Variants in ARSF observed in about 807,000 individuals in gnomAD.
ARSF encodes arylsulfatase F.
A neutral mutation model predicts 35.4 loss-of-function variants in ARSF; 33 were observed. That is an observed-to-expected ratio of 0.93 (90% CI 0.71 to 1.25). The LOEUF is 1.25. Ranked by LOEUF, ARSF falls within the 50% of genes most tolerant of loss-of-function variation. The pLI is 0.00. For synonymous variants in ARSF, 222 were observed against 193.1 expected (o/e 1.15, Z -1.24); for missense variants, 501 against 480.2 (o/e 1.04, Z -0.40).
intron 1 of ARSF, among the ~76,000 whole-genome samples, chrX:3,044,863 G>C (rs2089968646): frequency 9.1e-6 from 1 of 110,105 alleles, no homozygotes; most frequent in Non-Finnish European, 1.9e-5. Context: ...GAGAAACGAG[G>C]TCAGCTGCTT....
At position 3,110,171 on chromosome X, in the gene ARSF, G is replaced by A. The variant is rs1017883454; in HGVS notation, c.1309G>A (p.Val437Ile). The A allele has an allele frequency of 2.9e-5, 35 of 1,202,351 alleles. No individual in the cohort carries two copies. The highest frequency in any genetic ancestry group is 3.7e-5 in the Non-Finnish European group (33 of 890,769). Residue 437 changes from valine to isoleucine, a missense_variant, in exon 10 of 11, where the codon GTC (valine) becomes ATC (isoleucine). Val to Ile is a conservative substitution (Grantham distance 29). Transcript: ENST00000381127. ...CCTCATGCCCTTGCTGCAGGGCAACGTCAGGCACTCGGAGCATGAATTTCT... is the reference window on the plus strand; with the variant it reads ...CCTCATGCCCTTGCTGCAGGGCAACATCAGGCACTCGGAGCATGAATTTCT... ...RDLMPLLQGNVRHSEHEFLFH... is the reference protein window; with the variant it reads ...RDLMPLLQGNIRHSEHEFLFH...
chrX:3,084,628 A>G lies in ARSF; in HGVS notation c.792A>G (p.Gly264=), dbSNP rs938433198. 8.4e-7 allele frequency: 1 copy of G among 1,188,962 alleles called. No homozygotes were observed. The highest frequency in any genetic ancestry group is 1.1e-6 in the Non-Finnish European group (1 of 882,997). ...AGCCCATGAAGGCTGAACGAGCTGG[A>G]TCCATTATGGTGAAGGAAGCGATTT... ...TEQPMKAERA[G]SIMVKEAISF... Residue 264 remains glycine, a synonymous_variant, in exon 6 of 11, where the codon GGA becomes GGG. Transcript: ENST00000381127.
Position 3,089,510 on chromosome X carries a change from C to T in ARSF, c.845C>T (p.Thr282Ile), listed in dbSNP as rs2090273083. 1 of 1,209,555 alleles carries T rather than the reference C, an allele frequency of 8.3e-7. No individual in the cohort carries two copies. Residue 282 changes from threonine (T) to isoleucine (I), a missense_variant, in exon 7 of 11, where the codon ACT (threonine) becomes ATT (isoleucine). Coordinates refer to ENST00000381127, the MANE Select transcript of ARSF (RefSeq NM_001201539.2). ...TGTCTTCTCAGGCACAGTAAGGAAA[C>T]TTTCCTTCTCTTTTTCTCCTTTCTT... ...ISFLERHSKE[T>I]FLLFFSFLHV...
intron 2 of ARSF, 81 bp from the exon 3 acceptor site, chrX:3,071,945 C>G (rs2090107306): frequency 7.8e-6 from 8 of 1,022,376 alleles, no homozygotes; most frequent in Admixed American, 6.9e-5. Context: ...TCCAAAGACC[C>G]CTGTTGTGTT....
intron 7 of ARSF, among the ~76,000 whole-genome samples, chrX:3,092,564 G>A (rs1053141021): frequency 1.8e-5 from 2 of 111,828 alleles, no homozygotes; most frequent in Non-Finnish European, 3.8e-5. Flanking sequence ...ACGGATGGGT[G>A]TGTTGAATCT....
chrX:3,045,863 C>T (rs1214908533), intron 1 of ARSF, among the ~76,000 whole-genome samples: 3 of 108,829 alleles, frequency 2.8e-5, no homozygotes, highest in African/African-American at 1.0e-4. Context: ...GCCATGTCGC[C>T]TGTTTTTTTT....
intron 5 of ARSF, 76 bp from the exon 6 acceptor site, chrX:3,084,167 G>A (rs1353355087): frequency 4.8e-6 from 5 of 1,048,600 alleles, no homozygotes; most frequent in Non-Finnish European, 6.6e-6. Context: ...CGTGAAGAAT[G>A]CTCACATGGT....
At chrX:3,104,347 A>T (rs1435763487) in intron 9 of ARSF, among the ~76,000 whole-genome samples, 1 of 111,410 alleles carries the variant, frequency 9.0e-6, no homozygotes, top group East Asian at 2.8e-4. Flanking sequence ...GGCTTATTTC[A>T]CTTAACATAA....
At chrX:3,093,830 G>A (rs2090319991) in intron 7 of ARSF, among the ~76,000 whole-genome samples, 1 of 111,847 alleles carries the variant, frequency 8.9e-6, no homozygotes, top group Non-Finnish European at 1.9e-5. Context: ...TTCCACAGTG[G>A]CTGAGCCAAT....
At position 3,068,060 on chromosome X, in the gene ARSF, T is replaced by A; in HGVS notation, c.-28-13T>A. The A allele has an allele frequency of 8.5e-7, 1 of 1,175,119 alleles. No individual in the cohort carries two copies. Among genetic ancestry groups the A allele is most frequent in the Middle Eastern group, 2.4e-4 (1 of 4,210 alleles). ...TTTGGTCTTTTAAATCACGTCTGTG[T>A]CTTCTGCCAAAGACAACAAGAAGGT... On this transcript the variant is annotated splice_polypyrimidine_tract_variant and intron_variant, in intron 1 of 10. Coordinates refer to ENST00000381127, the MANE Select transcript of ARSF (RefSeq NM_001201539.2).
intron 5 of ARSF, among the ~76,000 whole-genome samples, chrX:3,081,367 C>T (rs2147510470): frequency 8.9e-6 from 1 of 112,006 alleles, no homozygotes; most frequent in East Asian, 2.8e-4. Flanking sequence ...AGAGGAGTCT[C>T]ACTGTGTCAC....
intron 3 of ARSF, among the ~76,000 whole-genome samples, chrX:3,072,445 C>T (rs2090112218): frequency 9.0e-6 from 1 of 111,240 alleles, no homozygotes; most frequent in Admixed American, 9.7e-5. Flanking sequence ...GGTTTGGATA[C>T]ATACAAAGTA....
intron 7 of ARSF, among the ~76,000 whole-genome samples, chrX:3,100,586 AGTTTTTTGTTTTTTT>A (rs1338069397): frequency 1.0e-5 from 1 of 98,096 alleles, no homozygotes; most frequent in Admixed American, 1.1e-4. Flanking sequence ...TTGGACTCTC[AGTTTTTTGTTTTTTT>A]GTTTTTTGTT....
rs183494780 is a variant in ARSF, at chrX:3,064,997, T to A, written c.-28-3076T>A. On this transcript the variant is annotated intron_variant, in intron 1 of 10. Coordinates refer to ENST00000381127, the MANE Select transcript of ARSF (RefSeq NM_001201539.2). Reference sequence around the variant, plus strand: ...TAAATCATGCTGCTATCAAGACATATGCACACTATTCACAATAGCAAAGAC... The same window carrying A: ...TAAATCATGCTGCTATCAAGACATAAGCACACTATTCACAATAGCAAAGAC... 1.8e-3 allele frequency among the ~76,000 whole-genome samples: 198 copies of A among 110,726 alleles called. 3 individuals are homozygous for A. The highest frequency in any genetic ancestry group is 6.2e-3 in the African/African-American group (188 of 30,540).
At chrX:3,059,116 T>G (rs1214931319) in intron 1 of ARSF, among the ~76,000 whole-genome samples, 1 of 111,682 alleles carries the variant, frequency 9.0e-6, no homozygotes, top group Non-Finnish European at 1.9e-5. Context: ...GTCATGGAGC[T>G]GCCATGGGAA....
chrX:3,111,399 T>G (rs907278339), intron 10 of ARSF, among the ~76,000 whole-genome samples: 1 of 111,879 alleles, frequency 8.9e-6, no homozygotes, highest in South Asian at 3.7e-4. Context: ...TATCTAGTGA[T>G]ATTTTGAGAT....
At chrX:3,083,147 C>T in intron 5 of ARSF, among the ~76,000 whole-genome samples, 1 of 110,654 alleles carries the variant, frequency 9.0e-6, no homozygotes, top group South Asian at 3.9e-4. Context: ...ACCTACTCAG[C>T]CACCCACCTA....
At chrX:3,093,105 G>T (rs111730869) in intron 7 of ARSF, among the ~76,000 whole-genome samples, 1 of 111,097 alleles carries the variant, frequency 9.0e-6, no homozygotes, top group Non-Finnish European at 1.9e-5. Context: ...GGCAGAGCTT[G>T]CAGTGGCCGA....
intron 4 of ARSF, among the ~76,000 whole-genome samples, chrX:3,077,819 T>A (rs201405031): frequency 2.1e-4 from 5 of 23,724 alleles, no homozygotes; most frequent in African/African-American, 5.8e-4. Context: ...TATTATTATT[T>A]TTGAAATGGA....
Sources: gnomAD v4.1 joint callset for allele counts (sites outside exome capture counted in the v4.1 genomes callset) on GRCh38, gnomAD v4.1.1 for gene constraint, MANE v1.5 for transcripts, NCBI Gene and HGNC (gene_info 2026-07-23, HGNC 2026-07-21) for gene names.